Variants in VPS54 observed in about 807,000 individuals in gnomAD.
VPS54 encodes VPS54 subunit of GARP complex, also known as vacuolar protein sorting-associated protein 54.
A neutral mutation model predicts 121.5 loss-of-function variants in VPS54; 45 were observed. The ratio of observed to expected loss-of-function variants is 0.37; its 90% CI spans 0.29 to 0.47. The LOEUF (loss-of-function observed/expected upper bound fraction) is 0.47, where lower values mean the gene tolerates loss of function less well. VPS54 is among the 20% of genes least tolerant of loss of function. VPS54 has a pLI of 0.99. For missense variants in VPS54, 1,090 were observed against 1,131.4 expected, an observed-to-expected ratio of 0.96 and a Z score of 0.52; for synonymous variants, 371 against 385.8, an observed-to-expected ratio of 0.96 and a Z score of 0.45.
At chr2:64,011,598 C>A (rs1398641426) in intron 1 of VPS54, among the ~76,000 whole-genome samples, 1 of 151,968 alleles carries the variant, frequency 6.6e-6, no homozygotes, top group Non-Finnish European at 1.5e-5. Context: ...GGGTCACAGG[C>A]CTGGAATATG....
intron 20 of VPS54, among the ~76,000 whole-genome samples, chr2:63,901,347 A>G (rs1672672473): frequency 6.6e-6 from 1 of 152,370 alleles, no homozygotes; most frequent in Non-Finnish European, 1.5e-5. Context: ...AGAGGTAACC[A>G]CAAGAGAAGC....
intron 11 of VPS54, among the ~76,000 whole-genome samples, chr2:63,934,982 T>C (rs1313421138): frequency 6.6e-6 from 1 of 152,190 alleles, no homozygotes; most frequent in East Asian, 1.9e-4. Flanking sequence ...TTTTGGAATC[T>C]ACATGGTTCT....
Position 63,899,503 on chromosome 2 carries a change from A to C in VPS54, c.2704T>G (p.Phe902Val). Reference protein sequence around the residue: ...KQMTKMHEAIFDLLPEEQTQM... With the variant: ...KQMTKMHEAIVDLLPEEQTQM... The stretch of plus-strand genomic sequence containing the variant: ...GTTTGTTCTTCTGGAAGGAGATCAA[A>C]TATAGCTTCGTGCATTTTTGTCATT... Residue 902 changes from phenylalanine to valine, a missense_variant, in exon 21 of 23, where the codon TTT (phenylalanine) becomes GTT (valine). Transcript: ENST00000272322. 6.2e-7 allele frequency: 1 copy of C among 1,613,926 alleles called. No homozygotes were observed. Among genetic ancestry groups the C allele is most frequent in the Non-Finnish European group, 8.5e-7 (1 of 1,179,954 alleles).
chr2:63,991,892 C>A (rs1043452312), intron 1 of VPS54, among the ~76,000 whole-genome samples: 2 of 152,206 alleles, frequency 1.3e-5, no homozygotes, highest in East Asian at 3.8e-4. Context: ...TGTCCACCTC[C>A]ACGTTAGGGG....
chr2:63,920,640 AC>A lies in VPS54; in HGVS notation c.1870-14del, dbSNP rs747398059. On this transcript the variant is annotated splice_polypyrimidine_tract_variant and intron_variant, in intron 13 of 22. Coordinates refer to ENST00000272322, the MANE Select transcript of VPS54 (RefSeq NM_016516.3). ...CAAGAAAACCATCCTAAATTTTAATACAAAAATCATGAGAGTTAGTGTAACA... is the reference window on the plus strand; with the variant it reads ...CAAGAAAACCATCCTAAATTTTAATAAAAAATCATGAGAGTTAGTGTAACA... The A allele has an allele frequency of 6.2e-6, 9 of 1,454,850 alleles. No individual in the cohort carries two copies. The highest frequency in any genetic ancestry group is 8.2e-6 in the Non-Finnish European group (9 of 1,100,010). 90.1% of individuals were successfully genotyped at this position (1,454,850 alleles called of 1,614,324 possible).
chr2:63,981,690 T>A lies in VPS54; in HGVS notation c.334A>T (p.Ile112Phe), dbSNP rs1676808458. 1 of 1,612,044 alleles carries A rather than the reference T, an allele frequency of 6.2e-7. No homozygotes were observed. ...TATACTGTAAAATGTTCCTTGCTGA[T>A]CTGTGGGAGGTAGAATGAAGGTATG... ...EVIPSFYLPQ[I>F]SKEHFTVYQQ... The change falls in exon 3 of 23, where the codon ATC (isoleucine) becomes TTC (phenylalanine). Residue 112 changes from isoleucine to phenylalanine, a missense_variant. Ile to Phe is a conservative substitution (Grantham distance 21, BLOSUM62 0). Coordinates refer to ENST00000272322, the MANE Select transcript of VPS54 (RefSeq NM_016516.3).
At chr2:64,007,376 G>A (rs1678211540) in intron 1 of VPS54, among the ~76,000 whole-genome samples, 1 of 152,200 alleles carries the variant, frequency 6.6e-6, no homozygotes, top group African/African-American at 2.4e-5. Flanking sequence ...GTCCATGGAA[G>A]TAGAGTAGAC....
chr2:63,936,078 T>C (rs1278073315), intron 11 of VPS54, among the ~76,000 whole-genome samples: 1 of 152,168 alleles, frequency 6.6e-6, no homozygotes, highest in Non-Finnish European at 1.5e-5. Context: ...ATGAAGCCCT[T>C]CCTAGTCTTG....
intron 1 of VPS54, among the ~76,000 whole-genome samples, chr2:64,009,354 C>T (rs56904032): frequency 0.13 from 19,594 of 151,794 alleles, 1,402 homozygotes; most frequent in Middle Eastern, 0.21. Context: ...CTCGCTGTGT[C>T]GCCTAGACTG....
intron 18 of VPS54, 134 bp downstream of exon 18, chr2:63,913,089 G>A: frequency 5.9e-6 from 4 of 681,024 alleles, no homozygotes; most frequent in Non-Finnish European, 7.0e-6. Flanking sequence ...ACATAAAAGA[G>A]TAAGTAGCAT....
Position 63,965,943 on chromosome 2 carries a change from G to C in VPS54, c.516C>G (p.Ala172=). 1.9e-6 allele frequency: 3 copies of C among 1,606,514 alleles called. No individual in the cohort carries two copies. The highest frequency in any genetic ancestry group is 2.5e-6 in the Non-Finnish European group (3 of 1,177,838). ...AATTAAAAGTTAAGGAATCATCCAAGGCAAAATCTGGTTTCATAAAAATCT... is the reference window on the plus strand; with the variant it reads ...AATTAAAAGTTAAGGAATCATCCAACGCAAAATCTGGTTTCATAAAAATCT... ...VPKIFMKPDF[A]LDDSLTFNSV... is the part of the protein sequence containing the mutation. Residue 172 remains alanine (A), a synonymous_variant, in exon 6 of 23, where the codon GCC becomes GCG. Transcript: ENST00000272322.
chr2:63,916,804 T>A (rs892521908), intron 16 of VPS54, 96 bp downstream of exon 16: 43 of 1,214,374 alleles, frequency 3.5e-5, no homozygotes, highest in Non-Finnish European at 4.8e-5. Flanking sequence ...CTGTTAAAAC[T>A]GTTAATCCAA....
chr2:63,982,784 A>C (rs889859884), intron 2 of VPS54, among the ~76,000 whole-genome samples: 1 of 152,228 alleles, frequency 6.6e-6, no homozygotes, highest in Non-Finnish European at 1.5e-5. Flanking sequence ...TGTGGCACCA[A>C]GTAAAAACAG....
chr2:63,921,786 AATGTATT>A lies in VPS54; in HGVS notation c.1740-458_1740-452del, dbSNP rs537162456. 4.5e-3 allele frequency among the ~76,000 whole-genome samples: 690 copies of A among 152,314 alleles called. 21 individuals carry two copies. Among genetic ancestry groups the A allele is most frequent in the Admixed American group, 0.041 (628 of 15,298 alleles). On this transcript the variant is annotated intron_variant, in intron 12 of 22. Coordinates refer to ENST00000272322, the MANE Select transcript of VPS54 (RefSeq NM_016516.3). ...GTGTGAGCCACTGTGCCCATCCACA[AATGTATT>A]TTGTCATAACCTTAAATAAGAATTT...
intron 9 of VPS54, among the ~76,000 whole-genome samples, chr2:63,946,145 A>G (rs1216577593): frequency 6.6e-6 from 1 of 152,160 alleles, no homozygotes; most frequent in Non-Finnish European, 1.5e-5. Context: ...CATACAATGT[A>G]TACTTTTCTG....
At chr2:63,948,178 T>G (rs1490205052) in intron 8 of VPS54, among the ~76,000 whole-genome samples, 1 of 152,088 alleles carries the variant, frequency 6.6e-6, no homozygotes, top group Non-Finnish European at 1.5e-5. Flanking sequence ...TGACCTAGAC[T>G]CTCACAGTGG....
chr2:63,991,595 A>G (rs1677320608), intron 1 of VPS54, among the ~76,000 whole-genome samples: 1 of 152,246 alleles, frequency 6.6e-6, no homozygotes, highest in Non-Finnish European at 1.5e-5. Flanking sequence ...AGCCGGCTCA[A>G]CAAACATGGC....
chr2:63,922,723 C>T (rs1046885948), intron 12 of VPS54, among the ~76,000 whole-genome samples: 4 of 152,102 alleles, frequency 2.6e-5, no homozygotes, highest in African/African-American at 9.7e-5. Flanking sequence ...TATAAACAGT[C>T]TAGTAGTATT....
intron 5 of VPS54, among the ~76,000 whole-genome samples, chr2:63,966,207 C>G (rs1321089115): frequency 6.6e-6 from 1 of 152,130 alleles, no homozygotes; most frequent in African/African-American, 2.4e-5. Context: ...TGGAGATGGT[C>G]ATTCTATTAC....
Sources: allele counts gnomAD v4.1 joint callset (sites outside exome capture counted in the v4.1 genomes callset), GRCh38; gene constraint gnomAD v4.1.1; transcripts MANE v1.5; gene names NCBI Gene and HGNC (gene_info 2026-07-23, HGNC 2026-07-21).